Variants in PATJ observed in about 807,000 individuals in gnomAD.
The protein encoded by PATJ is PATJ crumbs cell polarity complex component.
A neutral mutation model predicts 224.9 loss-of-function variants in PATJ; 190 were observed. The ratio of observed to expected loss-of-function variants is 0.84; its 90% CI spans 0.75 to 0.95. The LOEUF (loss-of-function observed/expected upper bound fraction) is 0.95. Among genes scored for constraint, PATJ ranks in the 40% least tolerant of loss-of-function variants. The pLI is 0.00. For synonymous variants in PATJ, 769 were observed against 820.3 expected, an observed-to-expected ratio of 0.94 and a Z score of 1.07; for missense variants, 2,121 against 2,270.3, an observed-to-expected ratio of 0.93 and a Z score of 1.34.
At chr1:61,851,849 C>A (rs1662857119) in intron 17 of PATJ, among the ~76,000 whole-genome samples, 1 of 151,926 alleles carries the variant, frequency 6.6e-6, no homozygotes, top group African/African-American at 2.4e-5. Flanking sequence ...AAAGAACTGA[C>A]ATGCCTTAGT....
intron 6 of PATJ, among the ~76,000 whole-genome samples, chr1:61,773,660 G>GCA (rs1646744995): frequency 2.0e-5 from 3 of 151,976 alleles, no homozygotes; most frequent in Non-Finnish European, 4.4e-5. Context: ...GGTGGTGCAT[G>GCA]CTTGTAATCC....
At chr1:61,821,195 C>A (rs1657195563) in intron 14 of PATJ, among the ~76,000 whole-genome samples, 1 of 152,184 alleles carries the variant, frequency 6.6e-6, no homozygotes, top group Admixed American at 6.5e-5. Context: ...CAGGCGCCTG[C>A]CACCATGCCC....
chr1:61,869,211 A>G (rs1358855200), intron 20 of PATJ, among the ~76,000 whole-genome samples: 4 of 138,624 alleles, frequency 2.9e-5, no homozygotes, highest in East Asian at 4.3e-4. Context: ...GGTTCACGCC[A>G]TTCTCCTGCC....
At chr1:62,073,211 G>T in intron 31 of PATJ, 1 of 985,408 alleles carries the variant, frequency 1.0e-6, no homozygotes, top group Non-Finnish European at 1.2e-6. Flanking sequence ...CTTGACAGGA[G>T]GTTGTGGAGT....
chr1:61,852,097 G>A (rs533166718), intron 17 of PATJ, among the ~76,000 whole-genome samples: 1 of 147,562 alleles, frequency 6.8e-6, no homozygotes, highest in Non-Finnish European at 1.5e-5. Flanking sequence ...TCCAGCCTGG[G>A]TGACAGAGAG....
intron 27 of PATJ, among the ~76,000 whole-genome samples, chr1:61,955,435 C>A (rs1055777298): frequency 6.6e-6 from 1 of 152,104 alleles, no homozygotes; most frequent in African/African-American, 2.4e-5. Context: ...GGCTTGGAGT[C>A]CAAGCTCCAG....
At chr1:61,917,868 A>G (rs1673670164) in intron 26 of PATJ, among the ~76,000 whole-genome samples, 1 of 152,148 alleles carries the variant, frequency 6.6e-6, no homozygotes, top group South Asian at 2.1e-4. Flanking sequence ...CCTGACCAAC[A>G]TGGCGAAACC....
rs1668283733 is a variant in PATJ, at chr1:62,148,315, C to A, written c.5303C>A (p.Ala1768Glu). 6.2e-6 allele frequency: 10 copies of A among 1,613,786 alleles called. No homozygotes were observed. Among genetic ancestry groups the A allele is most frequent in the Non-Finnish European group, 8.5e-6 (10 of 1,179,854 alleles). The change falls in exon 42 of 44, where the codon GCA becomes GAA. Residue 1768 changes from alanine to glutamate, a missense_variant. Ala to Glu is a moderately radical substitution (Grantham distance 107). Coordinates refer to ENST00000642238, the MANE Select transcript of PATJ (RefSeq NM_001350145.3). ...VVADTNISAI[A>E]AQLENMSTGY... ...GCAGATACCAATATAAGCGCCATAGCAGCTCAGCTTGAAAACATGTCTACA... is the reference window on the plus strand; with the variant it reads ...GCAGATACCAATATAAGCGCCATAGAAGCTCAGCTTGAAAACATGTCTACA...
At chr1:61,754,908 A>T (rs575299136) in intron 1 of PATJ, among the ~76,000 whole-genome samples, 7 of 152,184 alleles carry the variant, frequency 4.6e-5, no homozygotes, top group African/African-American at 1.7e-4. Context: ...AAAATAGAAT[A>T]AAATAAGAGG....
intron 20 of PATJ, among the ~76,000 whole-genome samples, chr1:61,869,969 A>T (rs1410500733): frequency 6.6e-6 from 1 of 152,218 alleles, no homozygotes; most frequent in Non-Finnish European, 1.5e-5. Context: ...TGGGCGTGTT[A>T]CGGTGATCTT....
intron 14 of PATJ, among the ~76,000 whole-genome samples, chr1:61,818,268 T>G (rs1211028130): frequency 1.3e-5 from 2 of 152,214 alleles, no homozygotes; most frequent in Non-Finnish European, 2.9e-5. Context: ...CTTGTATCCT[T>G]TACTTATATC....
At chr1:61,921,098 A>G (rs1385884459) in intron 26 of PATJ, among the ~76,000 whole-genome samples, 1 of 152,080 alleles carries the variant, frequency 6.6e-6, no homozygotes, top group African/African-American at 2.4e-5. Flanking sequence ...TTCTGTGATC[A>G]ATATTTTGGT....
intron 31 of PATJ, 27 bp from the exon 32 acceptor site, chr1:62,079,423 T>C (rs769210558): frequency 7.6e-7 from 1 of 1,317,016 alleles, no homozygotes; most frequent in Non-Finnish European, 1.1e-6. Flanking sequence ...CTTTTTGATA[T>C]TCATCTAATT....
intron 26 of PATJ, among the ~76,000 whole-genome samples, chr1:61,923,908 C>A (rs1674712359): frequency 7.2e-6 from 1 of 139,628 alleles, no homozygotes; most frequent in Non-Finnish European, 1.5e-5. Context: ...GACGACAAGA[C>A]TGAAACTCCA....
intron 32 of PATJ, among the ~76,000 whole-genome samples, chr1:62,082,037 G>A (rs866192625): frequency 1.6e-4 from 25 of 152,274 alleles, no homozygotes; most frequent in African/African-American, 6.0e-4. Context: ...CTTACCTAGA[G>A]CCTTTCTTTT....
At chr1:62,039,785 G>A (rs1433109446) in intron 30 of PATJ, among the ~76,000 whole-genome samples, 2 of 152,150 alleles carry the variant, frequency 1.3e-5, no homozygotes, top group Non-Finnish European at 2.9e-5. Context: ...GGCAGAGGAG[G>A]AAATGAGCAA....
chr1:61,965,681 T>C (rs969499569), intron 27 of PATJ, among the ~76,000 whole-genome samples: 1 of 152,152 alleles, frequency 6.6e-6, no homozygotes, highest in Non-Finnish European at 1.5e-5. Flanking sequence ...AGCACCCAAA[T>C]GCGAGTGGCA....
intron 34 of PATJ, among the ~76,000 whole-genome samples, chr1:62,110,669 G>A (rs2148878704): frequency 6.6e-6 from 1 of 152,294 alleles, no homozygotes; most frequent in Non-Finnish European, 1.5e-5. Context: ...GCAAGTGGGA[G>A]CAGAAGAGAG....
At chr1:61,970,556 G>A (rs1005672061) in intron 27 of PATJ, among the ~76,000 whole-genome samples, 13 of 152,074 alleles carry the variant, frequency 8.5e-5, no homozygotes, top group African/African-American at 2.9e-4. Context: ...GCAGTGGTGC[G>A]ATGACAGCTC....
Sources: gnomAD v4.1 joint callset for allele counts (sites outside exome capture counted in the v4.1 genomes callset) on GRCh38, gnomAD v4.1.1 for gene constraint, MANE v1.5 for transcripts, NCBI Gene and HGNC (gene_info 2026-07-23, HGNC 2026-07-21) for gene names.